Variants in POF1B observed in about 807,000 individuals in gnomAD.
POF1B encodes the protein protein POF1B.
In POF1B, 53 loss-of-function variants were observed where a neutral mutation model predicts 55.3. The observed-to-expected ratio is 0.96, with a 90% CI of 0.77 to 1.20. The LOEUF (loss-of-function observed/expected upper bound fraction) is 1.20, where lower values mean the gene tolerates loss of function less well. POF1B is among the 50% of genes most tolerant of loss of function. The probability of loss-of-function intolerance (pLI) is 0.00; values close to 1 mark genes in which losing one functional copy is unlikely to be tolerated. For synonymous variants in POF1B, 188 were observed against 148.3 expected (o/e 1.27, Z -1.95); for missense variants, 478 against 420.5 (o/e 1.14, Z -1.20).
Position 85,308,174 on chromosome X carries a change from T to C in POF1B, c.1000A>G (p.Thr334Ala). The C allele has an allele frequency of 8.4e-7, 1 of 1,192,176 alleles. No individual in the cohort carries two copies. The highest frequency in any genetic ancestry group is 1.1e-6 in the Non-Finnish European group (1 of 883,284). ...SDKSLRLVLS[T>A]FSNIREELGH... ...AGCTCCTCCCGTATGTTGCTAAATG[T>C]GGACAGCACTAGTCGGAGTGACTTA... The change falls in exon 10 of 17, where the codon ACA (threonine) becomes GCA (alanine). Residue 334 changes from threonine to alanine, a missense_variant. Transcript: ENST00000262753.
At chrX:85,349,505 A>C (rs763648163) in intron 5 of POF1B, among the ~76,000 whole-genome samples, 1 of 111,262 alleles carries the variant, frequency 9.0e-6, no homozygotes, top group Non-Finnish European at 1.9e-5. Context: ...CTTTATAGAG[A>C]TAATCAAGTC....
intron 6 of POF1B, among the ~76,000 whole-genome samples, chrX:85,339,532 G>A (rs1468746962): frequency 9.0e-6 from 1 of 111,511 alleles, no homozygotes. Flanking sequence ...AAATGCAGTA[G>A]AACTGAAACA....
At position 85,375,028 on chromosome X, in the gene POF1B, C is replaced by A. The variant is rs144914244; in HGVS notation, c.282+4145G>T. Among the ~76,000 whole-genome samples, 1,046 of 111,615 alleles carry A rather than the reference C, an allele frequency of 9.4e-3. 17 individuals are homozygous for A. Among genetic ancestry groups the A allele is most frequent in the African/African-American group, 0.032 (994 of 30,737 alleles). On this transcript the variant is annotated intron_variant, in intron 2 of 16. Coordinates refer to ENST00000262753, the MANE Select transcript of POF1B (RefSeq NM_024921.4). ...GTTCCTCCTTCTCTCCAACCCAAAT[C>A]CCTCATTTAAGAGGTCCATATTGGG...
chrX:85,372,772 A>AT (rs1193270205), intron 2 of POF1B, among the ~76,000 whole-genome samples: 5 of 101,498 alleles, frequency 4.9e-5, no homozygotes, highest in African/African-American at 7.2e-5. Context: ...TATTATATAT[A>AT]CTATATATAT....
chrX:85,369,785 T>A (rs919677834), intron 2 of POF1B, among the ~76,000 whole-genome samples: 1 of 111,927 alleles, frequency 8.9e-6, no homozygotes, highest in Non-Finnish European at 1.9e-5. Context: ...ATGTGTGTTA[T>A]TCATTTGAAC....
In POF1B at chrX:85,303,490, T is replaced by A; in HGVS notation, c.1567-2A>T. On this transcript the variant is annotated splice_acceptor_variant, in intron 14 of 16. Transcript: ENST00000262753. LOFTEE classifies it high-confidence loss of function. ...TTCTTGCCGCAACTTGGAGAGTTCC[T>A]TACAAATAAAAGATAATATAATCAT... 1 of 1,129,210 alleles carries A rather than the reference T, an allele frequency of 8.9e-7. No individual in the cohort carries two copies. The highest frequency in any genetic ancestry group is 1.2e-6 in the Non-Finnish European group (1 of 829,460). 93.1% of individuals were successfully genotyped at this position (1,129,210 alleles called of 1,213,427 possible).
intron 7 of POF1B, among the ~76,000 whole-genome samples, chrX:85,324,883 T>C (rs188083771): frequency 8.9e-6 from 1 of 112,288 alleles, no homozygotes; most frequent in East Asian, 2.8e-4. Context: ...TAAGGTATGT[T>C]TGGTGGTACC....
intron 2 of POF1B, among the ~76,000 whole-genome samples, chrX:85,376,553 A>T (rs909704006): frequency 6.3e-5 from 7 of 111,573 alleles, no homozygotes; most frequent in African/African-American, 1.6e-4. Flanking sequence ...TTCTACACTT[A>T]ATTTTCTCTG....
intron 6 of POF1B, among the ~76,000 whole-genome samples, chrX:85,341,595 G>A (rs147552598): frequency 0.033 from 3,623 of 110,157 alleles, 70 homozygotes; most frequent in Middle Eastern, 0.062. Flanking sequence ...AGCAACAGCA[G>A]GGGATACAAG....
chrX:85,296,273 C>T (rs1932307677), intron 15 of POF1B, among the ~76,000 whole-genome samples: 1 of 111,711 alleles, frequency 9.0e-6, no homozygotes, highest in African/African-American at 3.3e-5. Flanking sequence ...AGATTTTGAT[C>T]ATGTCATCTT....
intron 11 of POF1B, 121 bp from the exon 12 acceptor site, chrX:85,306,454 C>G: frequency 1.5e-6 from 1 of 682,443 alleles, no homozygotes; most frequent in Non-Finnish European, 2.2e-6. Flanking sequence ...TTTTCTTATA[C>G]TCTGGGTCTT....
intron 4 of POF1B, among the ~76,000 whole-genome samples, chrX:85,355,491 C>G (rs1042371795): frequency 9.0e-6 from 1 of 111,362 alleles, no homozygotes; most frequent in African/African-American, 3.3e-5. Context: ...TTCTGCACAG[C>G]AAAAGAAACT....
chrX:85,370,534 A>G (rs968166624), intron 2 of POF1B, among the ~76,000 whole-genome samples: 19 of 112,002 alleles, frequency 1.7e-4, no homozygotes, highest in African/African-American at 5.8e-4. Context: ...AAATTGCATC[A>G]GTATGGATTT....
At chrX:85,351,144 T>C (rs1933377722) in intron 5 of POF1B, among the ~76,000 whole-genome samples, 1 of 111,150 alleles carries the variant, frequency 9.0e-6, no homozygotes, top group Non-Finnish European at 1.9e-5. Flanking sequence ...CAATTTTCTT[T>C]CAGTAAAATG....
chrX:85,368,879 A>G (rs1301669911), intron 2 of POF1B, among the ~76,000 whole-genome samples: 1 of 111,633 alleles, frequency 9.0e-6, no homozygotes. Flanking sequence ...GCACGACTCC[A>G]TTATATCTTC....
Position 85,303,448 on chromosome X carries a change from T to C in POF1B, c.1607A>G (p.Asn536Ser), listed in dbSNP as rs924724518. 1.4e-5 allele frequency: 17 copies of C among 1,193,038 alleles called. No individual in the cohort carries two copies. In the Admixed American group the frequency reaches 2.0e-4, roughly 14 times the overall value. The change falls in exon 15 of 17, where the codon AAC becomes AGC. Residue 536 changes from asparagine (N) to serine (S), a missense_variant. Asn to Ser is a conservative substitution (Grantham distance 46). Coordinates refer to ENST00000262753, the MANE Select transcript of POF1B (RefSeq NM_024921.4). ...AGTCCTTCCACCAGTGGAGGGTTGGTTATGAGAGGAATATATTTCTTGCCG... is the reference window on the plus strand; with the variant it reads ...AGTCCTTCCACCAGTGGAGGGTTGGCTATGAGAGGAATATATTTCTTGCCG... ...KLRQEIYSSH[N>S]QPSTGGRTTI...
At chrX:85,321,705 G>T (rs1472080205) in intron 7 of POF1B, among the ~76,000 whole-genome samples, 1 of 98,867 alleles carries the variant, frequency 1.0e-5, no homozygotes, top group East Asian at 3.1e-4. Context: ...CACTGTCTCA[G>T]CCCAAAATCT....
intron 15 of POF1B, among the ~76,000 whole-genome samples, chrX:85,290,579 A>G (rs984275756): frequency 1.8e-5 from 2 of 111,950 alleles, no homozygotes; most frequent in African/African-American, 6.5e-5. Context: ...ACAGTGCATT[A>G]GCATTCCCTT....
At chrX:85,333,194 C>T (rs772361441) in intron 6 of POF1B, among the ~76,000 whole-genome samples, 1 of 110,695 alleles carries the variant, frequency 9.0e-6, no homozygotes, top group Non-Finnish European at 1.9e-5. Flanking sequence ...TGCTTAAATA[C>T]CCTCTGTCCT....
Sources: gnomAD v4.1 joint callset for allele counts (sites outside exome capture counted in the v4.1 genomes callset) on GRCh38, gnomAD v4.1.1 for gene constraint, MANE v1.5 for transcripts, NCBI Gene and HGNC (gene_info 2026-07-23, HGNC 2026-07-21) for gene names.